AMN1: variants seen among roughly 807,000 people sequenced by gnomAD.
AMN1 encodes the protein protein AMN1 homolog.
AMN1 carries 20 observed loss-of-function variants against 33.0 expected under a neutral mutation model. That is an observed-to-expected ratio of 0.61 (90% confidence interval 0.43 to 0.88). The LOEUF (loss-of-function observed/expected upper bound fraction) is 0.88, where lower values mean the gene tolerates loss of function less well. Ranked by LOEUF, AMN1 falls within the 40% of genes least tolerant of loss-of-function variation. The pLI, the probability that AMN1 is intolerant of heterozygous loss-of-function variation, is 0.00. For missense variants in AMN1, 246 were observed against 307.4 expected (o/e 0.80, Z 1.49); for synonymous variants, 114 against 111.9 (o/e 1.02, Z -0.12).
chr12:31,726,381 G>A (rs919099529), intron 1 of AMN1, among the ~76,000 whole-genome samples: 5 of 152,158 alleles, frequency 3.3e-5, no homozygotes, highest in Non-Finnish European at 5.9e-5. Context: ...GACTAGTCTC[G>A]AACTCCCCAC....
At chr12:31,681,417 C>A (rs1263323299) in intron 6 of AMN1, among the ~76,000 whole-genome samples, 1 of 152,034 alleles carries the variant, frequency 6.6e-6, no homozygotes, top group African/African-American at 2.4e-5. Flanking sequence ...TTAGTAGAGA[C>A]AGGGTTTCAC....
chr12:31,684,405 T>C (rs2139664374), intron 6 of AMN1, among the ~76,000 whole-genome samples: 1 of 152,278 alleles, frequency 6.6e-6, no homozygotes, highest in African/African-American at 2.4e-5. Flanking sequence ...TTAAAATTTA[T>C]CTGTTTTAAT....
intron 1 of AMN1, among the ~76,000 whole-genome samples, chr12:31,723,379 C>T (rs983418625): frequency 1.3e-5 from 2 of 152,124 alleles, no homozygotes; most frequent in Non-Finnish European, 2.9e-5. Flanking sequence ...ACTGCGATCT[C>T]GGCTCACTGC....
intron 1 of AMN1, among the ~76,000 whole-genome samples, chr12:31,722,130 GACACACACAC>G (rs57266162): frequency 0.22 from 30,962 of 143,922 alleles, 3,444 homozygotes; most frequent in Non-Finnish European, 0.26. Context: ...TCAGGCCTTT[GACACACACAC>G]ACACACACAC....
chr12:31,723,836 C>T lies in AMN1; in HGVS notation c.38+5135G>A, dbSNP rs997487921. Among the ~76,000 whole-genome samples, 5 of 152,268 alleles carry T rather than the reference C, an allele frequency of 3.3e-5. No individual in the cohort carries two copies. In the East Asian group the frequency reaches 9.7e-4, roughly 29 times the overall value. On this transcript the variant is annotated intron_variant, in intron 1 of 6. Transcript: ENST00000281471. ...GGTTACCAACTCCTGCCCTAGATAA[C>T]AAAGATAACTACCACTTGGTTGAGG...
intron 6 of AMN1, among the ~76,000 whole-genome samples, chr12:31,682,732 T>C (rs1400257776): frequency 6.6e-6 from 1 of 152,166 alleles, no homozygotes; most frequent in African/African-American, 2.4e-5. Context: ...TGATGGGCTT[T>C]TGAGCTAACA....
At position 31,717,389 on chromosome 12, in the gene AMN1, A is replaced by G. The variant is rs2055691762; in HGVS notation, c.39-7964T>C. Among the ~76,000 whole-genome samples, 4 of 152,212 alleles carry G rather than the reference A, an allele frequency of 2.6e-5. No individual in the cohort carries two copies. The South Asian group carries it at 8.3e-4, about 32-fold the overall frequency. ...TGGTTCCATGTCTTTGCTATTGTGA[A>G]TAGTGCTGCAATAAACATATGTGTG... On this transcript the variant is annotated intron_variant, in intron 1 of 6. Transcript: ENST00000281471.
intron 3 of AMN1, among the ~76,000 whole-genome samples, chr12:31,699,433 AAAG>A (rs1183132908): frequency 2.7e-5 from 4 of 150,878 alleles, no homozygotes; most frequent in South Asian, 4.2e-4. Context: ...AAAGAAAAGA[AAAG>A]AAAAAGGAAG....
chr12:31,727,386 ATGAC>A (rs1176893239), intron 1 of AMN1, among the ~76,000 whole-genome samples: 1 of 152,164 alleles, frequency 6.6e-6, no homozygotes, highest in Non-Finnish European at 1.5e-5. Flanking sequence ...ATAGCTCCCC[ATGAC>A]TGAAAGAGGA....
chr12:31,698,073 T>A, intron 3 of AMN1, 116 bp from the exon 4 acceptor site: 1 of 911,406 alleles, frequency 1.1e-6, no homozygotes, highest in Non-Finnish European at 1.7e-6. Flanking sequence ...CTTTTCAAAG[T>A]AGTCCACCTG....
At chr12:31,700,898 C>T (rs924435493) in intron 3 of AMN1, among the ~76,000 whole-genome samples, 1 of 151,678 alleles carries the variant, frequency 6.6e-6, no homozygotes, top group African/African-American at 2.4e-5. Context: ...ACCATGTTAG[C>T]CAGGATGGTC....
intron 2 of AMN1, among the ~76,000 whole-genome samples, chr12:31,705,505 C>A (rs1010695793): frequency 1.5e-4 from 23 of 151,516 alleles, no homozygotes; most frequent in African/African-American, 5.3e-4. Flanking sequence ...AAAAAAACAA[C>A]AAACAAGCAA....
chr12:31,717,743 G>A (rs547097415), intron 1 of AMN1, among the ~76,000 whole-genome samples: 1 of 151,756 alleles, frequency 6.6e-6, no homozygotes, highest in African/African-American at 2.4e-5. Flanking sequence ...TGAGATACAT[G>A]TGCAGAACAT....
intron 1 of AMN1, among the ~76,000 whole-genome samples, chr12:31,716,908 G>T (rs1479626238): frequency 6.6e-6 from 1 of 151,978 alleles, no homozygotes; most frequent in African/African-American, 2.4e-5. Flanking sequence ...AACTTTCCCT[G>T]TCCTAAGTTC....
At position 31,673,606 on chromosome 12, in the gene AMN1, C is replaced by T. The variant is rs1351069468; in HGVS notation, c.704-1229G>A. Reference sequence around the variant, plus strand: ...GTGGCTATAGAAGAAGGGGGAAACACTTTCCAACTCTTTCTGTGAGGCCAG... The same window carrying T: ...GTGGCTATAGAAGAAGGGGGAAACATTTTCCAACTCTTTCTGTGAGGCCAG... On this transcript the variant is annotated intron_variant, in intron 6 of 6. Transcript: ENST00000281471. 2.1e-5 allele frequency: 9 copies of T among 429,430 alleles called. No individual in the cohort carries two copies. The Admixed American group carries it at 2.4e-4, about 12-fold the overall frequency. 26.6% of individuals were successfully genotyped at this position (429,430 alleles called of 1,614,324 possible).
In AMN1 at chr12:31,712,237, ATTATT is replaced by A. The variant is rs551884521; in HGVS notation, c.39-2817_39-2813del. Among the ~76,000 whole-genome samples, 57 of 151,530 alleles carry A rather than the reference ATTATT, an allele frequency of 3.8e-4. 1 individual carries two copies. The highest frequency in any genetic ancestry group is 3.4e-3 in the Middle Eastern group (1 of 294). On this transcript the variant is annotated intron_variant, in intron 1 of 6. Coordinates refer to ENST00000281471, the MANE Select transcript of AMN1 (RefSeq NM_001113402.2). ...TACCACACTTGACTAAGATTTCATT[ATTATT>A]TTATTTTATTATTATTTTTTTTCAA...
intron 3 of AMN1, among the ~76,000 whole-genome samples, chr12:31,700,712 C>T (rs553989425): frequency 3.2e-4 from 48 of 151,614 alleles, no homozygotes; most frequent in South Asian, 1.7e-3. Context: ...TTTTTTGAGA[C>T]GGAGTCTTGC....
intron 6 of AMN1, chr12:31,672,633 T>C (rs914196735): frequency 5.9e-6 from 2 of 339,516 alleles, no homozygotes; most frequent in Non-Finnish European, 1.1e-5. Context: ...TTCTCTGTAA[T>C]TTCATCATAA....
chr12:31,675,340 G>A lies in AMN1; in HGVS notation c.704-2963C>T, dbSNP rs891378781. ...GAGGCTGAGGTAGGAGGATCCAATT[G>A]AGCCTGGGAGGCAGAGGTTGCAGTG... On this transcript the variant is annotated intron_variant, in intron 6 of 6. Coordinates refer to ENST00000281471, the MANE Select transcript of AMN1 (RefSeq NM_001113402.2). 1.1e-4 allele frequency among the ~76,000 whole-genome samples: 16 copies of A among 151,604 alleles called. 1 individual carries two copies. The highest frequency in any genetic ancestry group is 3.9e-4 in the African/African-American group (16 of 41,072).
Sources: gnomAD v4.1 joint callset for allele counts (sites outside exome capture counted in the v4.1 genomes callset) on GRCh38, gnomAD v4.1.1 for gene constraint, MANE v1.5 for transcripts, NCBI Gene and HGNC (gene_info 2026-07-23, HGNC 2026-07-21) for gene names.